ADAMTS9: variants seen among roughly 807,000 people sequenced by gnomAD.
ADAMTS9 encodes the protein ADAM metallopeptidase with thrombospondin type 1 motif 9, also known as A disintegrin and metalloproteinase with thrombospondin motifs 9.
In ADAMTS9, 107 loss-of-function variants were observed where a neutral mutation model predicts 257.1. The observed-to-expected ratio is 0.42, with a 90% CI of 0.36 to 0.49. The LOEUF is 0.49. Ranked by LOEUF, ADAMTS9 falls within the 20% of genes least tolerant of loss-of-function variation. The probability of loss-of-function intolerance (pLI) is 0.03; values close to 1 mark genes in which losing one functional copy is unlikely to be tolerated. For synonymous variants in ADAMTS9, 982 were observed against 880.9 expected (o/e 1.11, Z -2.03); for missense variants, 2,353 against 2,469.1 (o/e 0.95, Z 1.00).
intron 22 of ADAMTS9, among the ~76,000 whole-genome samples, chr3:64,612,577 T>G (rs901509975): frequency 1.3e-5 from 2 of 152,128 alleles, no homozygotes; most frequent in African/African-American, 2.4e-5. Context: ...AAAGACTGAG[T>G]GGCTGTGGCT....
At chr3:64,653,072 A>G (rs2106951988) in intron 8 of ADAMTS9, among the ~76,000 whole-genome samples, 1 of 152,326 alleles carries the variant, frequency 6.6e-6, no homozygotes, top group South Asian at 2.1e-4. Context: ...ATCTGAGACA[A>G]TCCAAAATCC....
chr3:64,529,982 ATTTTTTT>A (rs200385291), intron 38 of ADAMTS9, among the ~76,000 whole-genome samples: 73 of 106,500 alleles, frequency 6.9e-4, no homozygotes, highest in African/African-American at 2.3e-3. Context: ...CAGTTATTTA[ATTTTTTT>A]TTTTTTTTTT....
At chr3:64,584,654 T>C (rs940744048) in intron 28 of ADAMTS9, among the ~76,000 whole-genome samples, 1 of 152,116 alleles carries the variant, frequency 6.6e-6, no homozygotes, top group Non-Finnish European at 1.5e-5. Flanking sequence ...TTTTGAAAAT[T>C]TTCCAACTTA....
chr3:64,621,498 A>T (rs577290123), intron 18 of ADAMTS9, among the ~76,000 whole-genome samples: 173 of 152,280 alleles, frequency 1.1e-3, no homozygotes, highest in Middle Eastern at 3.4e-3. Flanking sequence ...ACAGTGGCTC[A>T]AACCTGTAAT....
intron 37 of ADAMTS9, 43 bp downstream of exon 37, chr3:64,539,160 G>T: frequency 6.5e-7 from 1 of 1,535,838 alleles, no homozygotes. Context: ...CGGGAAAGGT[G>T]GGAGGTGAAT....
intron 3 of ADAMTS9, among the ~76,000 whole-genome samples, chr3:64,671,619 G>A (rs76028280): frequency 0.013 from 2,051 of 152,278 alleles, 48 homozygotes; most frequent in African/African-American, 0.047. Flanking sequence ...TAATTCTAAT[G>A]TCATATAGGA....
intron 11 of ADAMTS9, among the ~76,000 whole-genome samples, chr3:64,643,704 A>G (rs1279942573): frequency 6.6e-6 from 1 of 151,788 alleles, no homozygotes; most frequent in East Asian, 1.9e-4. Flanking sequence ...GACTCAAGCA[A>G]TCTGCCCTCC....
chr3:64,580,646 T>A (rs998690879), intron 28 of ADAMTS9, among the ~76,000 whole-genome samples: 1 of 152,156 alleles, frequency 6.6e-6, no homozygotes, highest in Non-Finnish European at 1.5e-5. Flanking sequence ...CAGTCCAAAT[T>A]TGAGTTTCTT....
intron 31 of ADAMTS9, among the ~76,000 whole-genome samples, chr3:64,549,125 T>C (rs955236841): frequency 3.3e-5 from 5 of 152,194 alleles, no homozygotes; most frequent in Admixed American, 6.5e-5. Context: ...TCTCCCCTCA[T>C]TGCAGGTTTC....
intron 11 of ADAMTS9, among the ~76,000 whole-genome samples, chr3:64,642,447 G>GA (rs869302424): frequency 4.1e-4 from 48 of 118,014 alleles, no homozygotes; most frequent in African/African-American, 5.6e-4. Flanking sequence ...GGAGAGGGGG[G>GA]AAAAAAAAAG....
intron 3 of ADAMTS9, among the ~76,000 whole-genome samples, chr3:64,668,401 A>G (rs1701401358): frequency 6.6e-6 from 1 of 152,204 alleles, no homozygotes; most frequent in African/African-American, 2.4e-5. Flanking sequence ...AAGTGTTTGC[A>G]GAGTGTATAC....
rs2106822182 is a variant in ADAMTS9 at position 64,607,158 on chromosome 3, G to A, written c.3355-79C>T. 3 of 1,569,946 alleles carry A rather than the reference G, an allele frequency of 1.9e-6. No individual in the cohort carries two copies. In the South Asian group the frequency reaches 3.5e-5, roughly 18 times the overall value. On this transcript the variant is annotated intron_variant, in intron 22 of 39. Coordinates refer to ENST00000498707, the MANE Select transcript of ADAMTS9 (RefSeq NM_182920.2). ...TTACTTTCCCCATAACATTCTGCAAGAGAGAAATACTTCCATCACAGTAGG... is the reference window on the plus strand; with the variant it reads ...TTACTTTCCCCATAACATTCTGCAAAAGAGAAATACTTCCATCACAGTAGG...
intron 28 of ADAMTS9, among the ~76,000 whole-genome samples, chr3:64,577,705 C>T (rs891368216): frequency 4.3e-5 from 6 of 140,732 alleles, no homozygotes; most frequent in African/African-American, 1.8e-4. Context: ...ACCCACTTGA[C>T]ATGACTTATG....
At chr3:64,607,355 T>A (rs1199845443) in intron 22 of ADAMTS9, among the ~76,000 whole-genome samples, 1 of 152,206 alleles carries the variant, frequency 6.6e-6, no homozygotes, top group East Asian at 1.9e-4. Context: ...GCAGACTGCA[T>A]CTCCATCATT....
At chr3:64,532,286 G>C (rs1158038890) in intron 38 of ADAMTS9, among the ~76,000 whole-genome samples, 2 of 152,210 alleles carry the variant, frequency 1.3e-5, no homozygotes, top group African/African-American at 4.8e-5. Flanking sequence ...AATGTATTCA[G>C]AACACTTGCA....
intron 28 of ADAMTS9, among the ~76,000 whole-genome samples, chr3:64,593,421 T>TA (rs2084298003): frequency 6.6e-6 from 1 of 152,218 alleles, no homozygotes; most frequent in African/African-American, 2.4e-5. Flanking sequence ...TTAATGTATT[T>TA]ACAGGACCAT....
rs1388777028 is a variant in ADAMTS9 at position 64,638,376 on chromosome 3, G to T, written c.1856+3472C>A. Among the ~76,000 whole-genome samples the T allele has an allele frequency of 2.0e-5, 3 of 152,090 alleles. No homozygotes were observed. The South Asian group carries it at 6.2e-4, about 32-fold the overall frequency. On this transcript the variant is annotated intron_variant, in intron 12 of 39. Coordinates refer to ENST00000498707, the MANE Select transcript of ADAMTS9 (RefSeq NM_182920.2). Reference sequence around the variant, plus strand: ...AGTTCCAAAGCTCAGTCTGGTTTTGGTACTGTTAAGCTATGTTTTGGAGGT... The same window carrying T: ...AGTTCCAAAGCTCAGTCTGGTTTTGTTACTGTTAAGCTATGTTTTGGAGGT...
In ADAMTS9 at chr3:64,618,809, A is replaced by G. The variant is rs561610508; in HGVS notation, c.2813+2305T>C. Among the ~76,000 whole-genome samples, 3 of 152,254 alleles carry G rather than the reference A, an allele frequency of 2.0e-5. No homozygotes were observed. In the South Asian group the frequency reaches 6.2e-4, roughly 32 times the overall value. On this transcript the variant is annotated intron_variant, in intron 19 of 39. Coordinates refer to ENST00000498707, the MANE Select transcript of ADAMTS9 (RefSeq NM_182920.2). The stretch of plus-strand genomic sequence containing the variant: ...CACGTAAACCAATGAGCGGAAATCT[A>G]TTTGAGATCTTTTGCATCATTTTAC...
At position 64,541,832 on chromosome 3, in the gene ADAMTS9, A is replaced by T. The variant is rs750867139; in HGVS notation, c.5197+6T>A. The T allele has an allele frequency of 6.2e-7, 1 of 1,614,122 alleles. No homozygotes were observed. The highest frequency in any genetic ancestry group is 8.5e-7 in the Non-Finnish European group (1 of 1,180,014). On this transcript the variant is annotated splice_donor_region_variant and intron_variant, in intron 33 of 39. Transcript: ENST00000498707. ...AAAGAAAGATAACTTCAGTTGGCCA[A>T]CTTACAGTTATAGACATTACGGCAG...
Sources: gnomAD v4.1 joint callset for allele counts (sites outside exome capture counted in the v4.1 genomes callset) on GRCh38, gnomAD v4.1.1 for gene constraint, MANE v1.5 for transcripts, NCBI Gene and HGNC (gene_info 2026-07-23, HGNC 2026-07-21) for gene names.